The following STK32C variants were observed in gnomAD, a reference collection of about 807,000 sequenced individuals.
The protein encoded by STK32C is serine/threonine kinase 32C.
STK32C carries 31 observed loss-of-function variants against 56.5 expected under a neutral mutation model. The observed-to-expected ratio is 0.55, with a 90% CI of 0.41 to 0.74. STK32C has a LOEUF of 0.74. Among genes scored for constraint, STK32C ranks in the 30% least tolerant of loss-of-function variants. STK32C has a pLI of 0.00. For missense variants in STK32C, 544 were observed against 676.9 expected, an observed-to-expected ratio of 0.80 and a Z score of 2.18; for synonymous variants, 309 against 289.4, an observed-to-expected ratio of 1.07 and a Z score of -0.69.
At chr10:132,275,526 G>C (rs1338995923) in intron 1 of STK32C, among the ~76,000 whole-genome samples, 1 of 152,210 alleles carries the variant, frequency 6.6e-6, no homozygotes, top group Non-Finnish European at 1.5e-5. Context: ...TTTTGCTCCA[G>C]AATCACCTCC....
chr10:132,234,487 G>C (rs1317998934), intron 2 of STK32C, among the ~76,000 whole-genome samples: 2 of 152,178 alleles, frequency 1.3e-5, no homozygotes, highest in Non-Finnish European at 1.5e-5. Flanking sequence ...TTCTTGGGGG[G>C]ACTCTGGGTG....
chr10:132,236,720 C>T (rs1210744987), intron 2 of STK32C, among the ~76,000 whole-genome samples: 4 of 152,214 alleles, frequency 2.6e-5, no homozygotes, highest in African/African-American at 4.8e-5. Flanking sequence ...AACTTAGAGG[C>T]GTGTCTCCCA....
intron 2 of STK32C, among the ~76,000 whole-genome samples, chr10:132,230,675 C>CTGG (rs1345328072): frequency 0.082 from 2,412 of 29,422 alleles, 289 homozygotes; most frequent in Non-Finnish European, 0.11. Flanking sequence ...GGGGGGGAAG[C>CTGG]TGGCGGGGGG....
chr10:132,331,606 C>T (rs2066745894), exon 1 of STK32C: 1 of 1,612,766 alleles, frequency 6.2e-7, no homozygotes, highest in Non-Finnish European at 8.5e-7. Flanking sequence ...GGGGAGTGAG[C>T]CCAGCGGGAA....
intron 1 of STK32C, among the ~76,000 whole-genome samples, chr10:132,306,228 GC>G (rs1375106867): frequency 6.6e-6 from 1 of 152,232 alleles, no homozygotes. Context: ...ACCAGCAAGT[GC>G]TAAACCAGAT....
At chr10:132,241,311 G>T (rs1291277850) in intron 2 of STK32C, among the ~76,000 whole-genome samples, 1 of 152,256 alleles carries the variant, frequency 6.6e-6, no homozygotes, top group East Asian at 1.9e-4. Context: ...CAGGGCTCAG[G>T]GCCAGGCAGT....
chr10:132,212,539 G>C (rs1394136983), intron 10 of STK32C, among the ~76,000 whole-genome samples: 1 of 152,208 alleles, frequency 6.6e-6, no homozygotes, highest in Admixed American at 6.5e-5. Context: ...AAGCAGAGCA[G>C]CCAAGGAGGA....
At chr10:132,324,021 C>T, downstream of STK32C, 1 of 563,508 alleles carries the variant, frequency 1.8e-6, no homozygotes. Flanking sequence ...TAAAGAGCAG[C>T]ATTAATCTCT....
At chr10:132,221,224 C>T (rs936341911) in intron 10 of STK32C, among the ~76,000 whole-genome samples, 2 of 149,300 alleles carry the variant, frequency 1.3e-5, no homozygotes, top group Admixed American at 6.7e-5. Context: ...CTGATGCTGA[C>T]GCACCTGGGC....
At chr10:132,251,219 C>T (rs2137985531) in intron 1 of STK32C, among the ~76,000 whole-genome samples, 1 of 152,360 alleles carries the variant, frequency 6.6e-6, no homozygotes, top group South Asian at 2.1e-4. Context: ...CTCCCAGGCC[C>T]TACCCAGTTT....
At chr10:132,223,746 G>A (rs968962506) in intron 8 of STK32C, among the ~76,000 whole-genome samples, 1 of 152,174 alleles carries the variant, frequency 6.6e-6, no homozygotes, top group African/African-American at 2.4e-5. Flanking sequence ...GGAGGCAGCC[G>A]GGCCCGTGTG....
chr10:132,286,742 A>G (rs1276540105), intron 1 of STK32C, among the ~76,000 whole-genome samples: 1 of 152,216 alleles, frequency 6.6e-6, no homozygotes, highest in Non-Finnish European at 1.5e-5. Context: ...CTAAGAGGAG[A>G]AGGAGATTTC....
At chr10:132,278,871 GA>G (rs1365283229) in intron 1 of STK32C, among the ~76,000 whole-genome samples, 1 of 151,904 alleles carries the variant, frequency 6.6e-6, no homozygotes, top group Non-Finnish European at 1.5e-5. Flanking sequence ...AGATTATTGA[GA>G]AAACCAACCC....
chr10:132,326,693 C>T (rs188417868), intron 1 of STK32C, among the ~76,000 whole-genome samples: 66 of 152,298 alleles, frequency 4.3e-4, no homozygotes, highest in African/African-American at 1.2e-3. Flanking sequence ...TCATGAGGCA[C>T]GCCCAGTTCT....
intron 2 of STK32C, among the ~76,000 whole-genome samples, chr10:132,232,973 G>A (rs1054268739): frequency 6.6e-6 from 1 of 152,176 alleles, no homozygotes; most frequent in Non-Finnish European, 1.5e-5. Flanking sequence ...TTGTTCCCCA[G>A]AAGCAAATGC....
intron 1 of STK32C, chr10:132,248,941 G>C (rs1424293003): frequency 1.3e-5 from 6 of 456,524 alleles, no homozygotes; most frequent in South Asian, 7.7e-5. Context: ...CCCTCCCGGA[G>C]AGGAAAAGGA....
chr10:132,317,752 G>C lies in STK32C; in HGVS notation c.301+13684C>G, dbSNP rs79841306. Among the ~76,000 whole-genome samples the C allele has an allele frequency of 4.3e-3, 653 of 152,108 alleles. 3 individuals are homozygous for C. The highest frequency in any genetic ancestry group is 0.021 in the East Asian group (107 of 5,168). Reference sequence around the variant, plus strand: ...AAAAAATAAAAATGAGGCCAAGGCAGGCAGATCACAAGGTCAAGAGATCAA... The same window carrying C: ...AAAAAATAAAAATGAGGCCAAGGCACGCAGATCACAAGGTCAAGAGATCAA... On this transcript the variant is annotated intron_variant, in intron 1 of 3. Coordinates refer to the STK32C transcript ENST00000368620.
chr10:132,218,989 A>G (rs1320867740), intron 10 of STK32C, among the ~76,000 whole-genome samples: 1 of 152,188 alleles, frequency 6.6e-6, no homozygotes, highest in Non-Finnish European at 1.5e-5. Flanking sequence ...TGAAACGCCC[A>G]CAACAGGCAA....
intron 10 of STK32C, among the ~76,000 whole-genome samples, chr10:132,221,219 G>A (rs1204314772): frequency 1.4e-5 from 2 of 143,676 alleles, no homozygotes; most frequent in African/African-American, 2.6e-5. Context: ...CACACCTGAT[G>A]CTGACGCACC....
Sources: allele counts gnomAD v4.1 joint callset (sites outside exome capture counted in the v4.1 genomes callset), GRCh38; gene constraint gnomAD v4.1.1; transcripts MANE v1.5; gene names NCBI Gene and HGNC (gene_info 2026-07-23, HGNC 2026-07-21).